KCNK2: variants seen among roughly 807,000 people sequenced by gnomAD.
KCNK2 encodes the protein potassium two pore domain channel subfamily K member 2.
Under a neutral mutation model 40.5 loss-of-function variants are expected in KCNK2, and 21 were observed. That is an observed-to-expected ratio of 0.52 (90% CI 0.37 to 0.75). The LOEUF (loss-of-function observed/expected upper bound fraction) is 0.75, where lower values mean the gene tolerates loss of function less well. Among genes scored for constraint, KCNK2 ranks in the 30% least tolerant of loss-of-function variants. The probability of loss-of-function intolerance (pLI) is 0.00; values close to 1 mark genes in which losing one functional copy is unlikely to be tolerated. For synonymous variants in KCNK2, 191 were observed against 202.2 expected, an observed-to-expected ratio of 0.94 and a Z score of 0.47; for missense variants, 399 against 531.6, an observed-to-expected ratio of 0.75 and a Z score of 2.45.
intron 1 of KCNK2, among the ~76,000 whole-genome samples, chr1:215,057,447 C>G (rs1028481468): frequency 6.6e-6 from 1 of 152,016 alleles, no homozygotes; most frequent in African/African-American, 2.4e-5. Flanking sequence ...TGAGGCAGGA[C>G]CCACATGGGT....
At chr1:215,128,572 GAGAAAA>G (rs2102586155) in intron 3 of KCNK2, among the ~76,000 whole-genome samples, 1 of 151,416 alleles carries the variant, frequency 6.6e-6, no homozygotes, top group African/African-American at 2.5e-5. Context: ...TATGAGAATT[GAGAAAA>G]AGGGAAGAAT....
intron 2 of KCNK2, among the ~76,000 whole-genome samples, chr1:215,099,054 T>C (rs1660099248): frequency 6.6e-6 from 1 of 151,984 alleles, no homozygotes. Context: ...CATGTGCAGG[T>C]TTGTTACATA....
chr1:215,210,026 T>TATAA lies in KCNK2; in HGVS notation c.963+14934_963+14935insATAA, dbSNP rs1571735296. On this transcript the variant is annotated intron_variant, in intron 6 of 6. Transcript: ENST00000444842. ...TATTATATATAATATATAATATATATTATATATAATATATATAATATATAT... is the reference window on the plus strand; with the variant it reads ...TATTATATATAATATATAATATATATATAATATATATAATATATATAATATATAT... Among the ~76,000 whole-genome samples, 25 of 48,486 alleles carry TATAA rather than the reference T, an allele frequency of 5.2e-4. No homozygotes were observed. In the South Asian group the frequency reaches 0.021, roughly 41 times the overall value. The allele number at this position is 48,486 out of a possible 152,430, so 31.8% of individuals were successfully genotyped here. A position where few individuals can be genotyped will look rare whatever the true frequency, so the allele number is the denominator to read the frequency against.
chr1:215,057,621 A>C (rs1056279016), intron 1 of KCNK2, among the ~76,000 whole-genome samples: 4 of 152,190 alleles, frequency 2.6e-5, no homozygotes, highest in Admixed American at 6.5e-5. Context: ...TAATAATAGA[A>C]AATTCCATAT....
intron 3 of KCNK2, among the ~76,000 whole-genome samples, chr1:215,155,504 A>T (rs1662876159): frequency 6.6e-6 from 1 of 152,032 alleles, no homozygotes; most frequent in Non-Finnish European, 1.5e-5. Flanking sequence ...ATTCAGGAAG[A>T]TATTTATTTA....
chr1:215,115,304 A>G (rs1174643747), intron 2 of KCNK2, among the ~76,000 whole-genome samples: 3 of 152,148 alleles, frequency 2.0e-5, no homozygotes, highest in Non-Finnish European at 4.4e-5. Flanking sequence ...TCAAATGAAT[A>G]GAGATTAGTG....
intron 3 of KCNK2, among the ~76,000 whole-genome samples, chr1:215,126,347 A>C: frequency 6.6e-6 from 1 of 152,122 alleles, no homozygotes; most frequent in East Asian, 1.9e-4. Flanking sequence ...GCTAGGTCAA[A>C]AGTTGTGTGG....
chr1:215,148,141 G>T, intron 3 of KCNK2, among the ~76,000 whole-genome samples: 1 of 131,838 alleles, frequency 7.6e-6, no homozygotes. Flanking sequence ...ATGCAGTGGT[G>T]TGATCATGGC....
At chr1:215,130,853 TTTTA>T (rs151327528) in intron 3 of KCNK2, among the ~76,000 whole-genome samples, 15,853 of 151,532 alleles carry the variant, frequency 0.1, 2,755 homozygotes, top group African/African-American at 0.36. Flanking sequence ...TTTTTTTTAT[TTTTA>T]TTTATTTATT....
intron 5 of KCNK2, among the ~76,000 whole-genome samples, chr1:215,190,686 C>T (rs1257709204): frequency 6.6e-6 from 1 of 152,128 alleles, no homozygotes; most frequent in Non-Finnish European, 1.5e-5. Context: ...ATTGGATCAT[C>T]AGCTTTATTG....
At chr1:215,106,630 C>A (rs1433777320) in intron 2 of KCNK2, among the ~76,000 whole-genome samples, 2 of 152,004 alleles carry the variant, frequency 1.3e-5, no homozygotes, top group Non-Finnish European at 2.9e-5. Context: ...GATGCAATTG[C>A]CTTTGAGGAC....
chr1:215,190,806 A>G (rs1664635284), intron 5 of KCNK2, among the ~76,000 whole-genome samples: 3 of 152,190 alleles, frequency 2.0e-5, no homozygotes, highest in Admixed American at 1.3e-4. Flanking sequence ...AACTCCCCTC[A>G]ACACCTACCC....
In KCNK2 at chr1:215,235,564, T is replaced by G. The variant is rs1666849266; in HGVS notation, c.*419T>G. 1 of 156,190 alleles carries G rather than the reference T, an allele frequency of 6.4e-6. No homozygotes were observed. The highest frequency in any genetic ancestry group is 6.4e-5 in the Admixed American group (1 of 15,560). 9.7% of individuals were successfully genotyped at this position (156,190 alleles called of 1,614,324 possible). On this transcript the variant is annotated 3_prime_UTR_variant, in exon 7 of 7. Transcript: ENST00000444842. ...TTTATGGATGACAACAATTTTTTTTTTGTAAATGACAAGAAATTCTTATGC... is the reference window on the plus strand; with the variant it reads ...TTTATGGATGACAACAATTTTTTTTGTGTAAATGACAAGAAATTCTTATGC...
chr1:215,088,852 C>G (rs1281264724), intron 2 of KCNK2, among the ~76,000 whole-genome samples: 2 of 152,140 alleles, frequency 1.3e-5, no homozygotes, highest in Admixed American at 6.5e-5. Flanking sequence ...TTAATTTTCT[C>G]TGCTGATTAT....
At chr1:215,144,687 T>C (rs945249310) in intron 3 of KCNK2, among the ~76,000 whole-genome samples, 1 of 152,118 alleles carries the variant, frequency 6.6e-6, no homozygotes, top group Non-Finnish European at 1.5e-5. Context: ...TGTCTATGCT[T>C]ACATTTAATG....
chr1:215,147,677 A>T (rs957629689), intron 3 of KCNK2, among the ~76,000 whole-genome samples: 1 of 152,132 alleles, frequency 6.6e-6, no homozygotes, highest in African/African-American at 2.4e-5. Context: ...ACTAACAAAA[A>T]CACAAACATT....
At chr1:215,077,543 A>AT (rs994142177) in intron 1 of KCNK2, among the ~76,000 whole-genome samples, 1 of 152,192 alleles carries the variant, frequency 6.6e-6, no homozygotes, top group Non-Finnish European at 1.5e-5. Context: ...AACCAGAGGG[A>AT]TTTTTTTAAA....
chr1:215,138,453 CAG>C (rs1487381786), intron 3 of KCNK2, among the ~76,000 whole-genome samples: 1 of 151,958 alleles, frequency 6.6e-6, no homozygotes, highest in Admixed American at 6.6e-5. Context: ...AGGAAAAAAT[CAG>C]GGGATAGAAA....
chr1:215,064,320 C>T (rs549275521), intron 1 of KCNK2, among the ~76,000 whole-genome samples: 6 of 150,752 alleles, frequency 4.0e-5, no homozygotes, highest in Admixed American at 1.3e-4. Flanking sequence ...TGTGTGTGTA[C>T]GTGTTTTTGT....
Sources: gnomAD v4.1 joint callset for allele counts (sites outside exome capture counted in the v4.1 genomes callset) on GRCh38, gnomAD v4.1.1 for gene constraint, MANE v1.5 for transcripts, NCBI Gene and HGNC (gene_info 2026-07-23, HGNC 2026-07-21) for gene names.